The following IL17RA variants were observed in gnomAD, a reference collection of about 807,000 sequenced individuals.
IL17RA encodes interleukin 17 receptor A, also known as interleukin-17 receptor A.
IL17RA carries 34 observed loss-of-function variants against 50.4 expected under a neutral mutation model. The ratio of observed to expected loss-of-function variants is 0.67; its 90% CI spans 0.51 to 0.90. The LOEUF (loss-of-function observed/expected upper bound fraction) is 0.90. Among genes scored for constraint, IL17RA ranks in the 40% least tolerant of loss-of-function variants. The pLI is 0.00. For synonymous variants in IL17RA, 585 were observed against 510.4 expected (o/e 1.15, Z -1.97); for missense variants, 1,276 against 1,169.8 (o/e 1.09, Z -1.32).
intron 1 of IL17RA, among the ~76,000 whole-genome samples, chr22:17,094,718 T>TATATATATATATATATA (rs1228649948): frequency 6.0e-4 from 70 of 116,190 alleles, no homozygotes; most frequent in Middle Eastern, 4.4e-3. Context: ...TATATATATA[T>TATATATATATATATATA]TCAGGGAGAT....
chr22:17,109,084 C>G lies in IL17RA; in HGVS notation c.1865C>G (p.Pro622Arg). The G allele has an allele frequency of 6.4e-7, 1 of 1,571,246 alleles. No homozygotes were observed. The highest frequency in any genetic ancestry group is 8.6e-7 in the Non-Finnish European group (1 of 1,167,230). Reference sequence around the variant, plus strand: ...GGAACCGGCATCGTGAAGCGGGCGCCCCTGGTGCGCGAGCCTGGCTCCCAG... The same window carrying G: ...GGAACCGGCATCGTGAAGCGGGCGCGCCTGGTGCGCGAGCCTGGCTCCCAG... ...PPGTGIVKRAPLVREPGSQAC... is the reference protein window; with the variant it reads ...PPGTGIVKRARLVREPGSQAC... The change falls in exon 13 of 13, where the codon CCC becomes CGC. Residue 622 changes from proline to arginine, a missense_variant. Physicochemically the swap from Pro to Arg is moderately radical, Grantham distance 103 (BLOSUM62 -2). Transcript: ENST00000319363.
At position 17,107,739 on chromosome 22, in the gene IL17RA, A is replaced by G. The variant is rs2061420098; in HGVS notation, c.1058A>G (p.Glu353Gly). The G allele has an allele frequency of 1.2e-6, 2 of 1,613,734 alleles. No homozygotes were observed. Among genetic ancestry groups the G allele is most frequent in the Non-Finnish European group, 1.7e-6 (2 of 1,179,558 alleles). The change falls in exon 12 of 13, where the codon GAA becomes GGA. Residue 353 changes from glutamate to glycine, a missense_variant. Glu to Gly is a moderately conservative substitution (Grantham distance 98). Coordinates refer to ENST00000319363, the MANE Select transcript of IL17RA (RefSeq NM_014339.7). ...TTTTCCTTTCCAGGGCCTGGAAGTG[A>G]AAAATACAGTGATGACACCAAATAC... Reference protein sequence around the residue: ...MTWRLAGPGSEKYSDDTKYTD... With the variant: ...MTWRLAGPGSGKYSDDTKYTD...
intron 1 of IL17RA, among the ~76,000 whole-genome samples, chr22:17,090,838 T>G (rs926514216): frequency 1.3e-5 from 2 of 152,182 alleles, no homozygotes; most frequent in Non-Finnish European, 2.9e-5. Context: ...TCCCCTCCCC[T>G]CCTGCCCCAG....
At chr22:17,096,944 G>T in intron 1 of IL17RA, 118 bp from the exon 2 acceptor site, 1 of 894,146 alleles carries the variant, frequency 1.1e-6, no homozygotes, top group Non-Finnish European at 1.9e-6. Flanking sequence ...CCCAAAAAGT[G>T]AGAAGGGCAG....
At chr22:17,093,131 C>T (rs1454526615) in intron 1 of IL17RA, among the ~76,000 whole-genome samples, 1 of 152,022 alleles carries the variant, frequency 6.6e-6, no homozygotes, top group Non-Finnish European at 1.5e-5. Flanking sequence ...ATACAGAAAA[C>T]CTATCTCAAA....
intron 9 of IL17RA, among the ~76,000 whole-genome samples, 171 bp downstream of exon 9, chr22:17,104,981 C>G (rs1568921713): frequency 6.6e-6 from 1 of 152,136 alleles, no homozygotes; most frequent in Non-Finnish European, 1.5e-5. Flanking sequence ...GTGTCACTCC[C>G]TGGGGCTGGA....
Position 17,105,833 on chromosome 22 carries a change from C to T in IL17RA, c.944-20C>T, listed in dbSNP as rs774360152. 2.6e-6 allele frequency: 4 copies of T among 1,561,222 alleles called. No homozygotes were observed. The highest frequency in any genetic ancestry group is 2.2e-5 in the South Asian group (2 of 89,162). On this transcript the variant is annotated intron_variant, in intron 10 of 12. Transcript: ENST00000319363. Reference sequence around the variant, plus strand: ...AGGGCAGGCCCCGCCGCATCACTCACGCTGTTCTGCTCACCGCAGACTACA... The same window carrying T: ...AGGGCAGGCCCCGCCGCATCACTCATGCTGTTCTGCTCACCGCAGACTACA...
Position 17,097,936 on chromosome 22 carries a change from G to A in IL17RA, c.303G>A (p.Gln101=). Residue 101 remains glutamine, a synonymous_variant, in exon 3 of 13, where the codon CAG becomes CAA. Coordinates refer to ENST00000319363, the MANE Select transcript of IL17RA (RefSeq NM_014339.7). ...FPVAHIEWTL[Q]TDASILYLEG... Reference sequence around the variant, plus strand: ...TGGCTCACATCGAATGGACACTGCAGACAGACGGTGAGTGGGCATGCCAGC... The same window carrying A: ...TGGCTCACATCGAATGGACACTGCAAACAGACGGTGAGTGGGCATGCCAGC... The A allele has an allele frequency of 6.2e-7, 1 of 1,614,084 alleles. No individual in the cohort carries two copies. Among genetic ancestry groups the A allele is most frequent in the Non-Finnish European group, 8.5e-7 (1 of 1,180,044 alleles).
rs1208693308 is a variant in IL17RA, at chr22:17,105,858, A to G, written c.949A>G (p.Met317Val). 9.9e-6 allele frequency: 16 copies of G among 1,613,854 alleles called. No homozygotes were observed. Among genetic ancestry groups the G allele is most frequent in the African/African-American group, 9.3e-5 (7 of 75,030 alleles). ...CGCTGTTCTGCTCACCGCAGACTAC[A>G]TGCCCCTGTGGGTGTACTGGTTCAT... ...PDTPEPIPDYMPLWVYWFITG... is the reference protein window; with the variant it reads ...PDTPEPIPDYVPLWVYWFITG... The change falls in exon 11 of 13, where the codon ATG becomes GTG. Residue 317 changes from methionine (M) to valine (V), a missense_variant. Physicochemically the swap from Met to Val is conservative, Grantham distance 21. Transcript: ENST00000319363.
At chr22:17,104,585 C>T (rs1416093343) in intron 8 of IL17RA, 141 bp from the exon 9 acceptor site, 3 of 773,886 alleles carry the variant, frequency 3.9e-6, no homozygotes, top group Non-Finnish European at 6.7e-6. Flanking sequence ...GCTGACCCGC[C>T]CTTGCTGGAG....
rs984669952 is a variant in IL17RA, at chr22:17,110,700, G to T, written c.*880G>T. 3.3e-5 allele frequency: 5 copies of T among 152,188 alleles called. No individual in the cohort carries two copies. The highest frequency in any genetic ancestry group is 1.2e-4 in the African/African-American group (5 of 41,374). The allele number at this position is 152,188 out of a possible 1,614,324, so 9.4% of individuals were successfully genotyped here. On this transcript the variant is annotated 3_prime_UTR_variant, in exon 13 of 13. Coordinates refer to ENST00000319363, the MANE Select transcript of IL17RA (RefSeq NM_014339.7). ...TTTTTAGTCAGTCATGGTGGCACAT[G>T]CCTGTAGTCCCAGCTACTCGGGAGG...
At chr22:17,102,755 A>G (rs1228822551) in intron 7 of IL17RA, among the ~76,000 whole-genome samples, 1 of 152,178 alleles carries the variant, frequency 6.6e-6, no homozygotes, top group East Asian at 1.9e-4. Flanking sequence ...ACAGTAAGCC[A>G]TGATGGCACC....
intron 1 of IL17RA, among the ~76,000 whole-genome samples, chr22:17,086,547 C>A (rs945431035): frequency 1.3e-5 from 2 of 152,046 alleles, no homozygotes; most frequent in African/African-American, 4.8e-5. Flanking sequence ...CAGGTGCCTG[C>A]AGAGTACAGG....
chr22:17,108,058 G>T (rs2061421298), intron 12 of IL17RA, among the ~76,000 whole-genome samples: 1 of 152,206 alleles, frequency 6.6e-6, no homozygotes, highest in Non-Finnish European at 1.5e-5. Context: ...CTTAATTAAA[G>T]TATAGGCTAA....
chr22:17,106,947 C>T (rs115025340), intron 11 of IL17RA, among the ~76,000 whole-genome samples: 5 of 152,144 alleles, frequency 3.3e-5, no homozygotes, highest in African/African-American at 9.7e-5. Context: ...AGAGGAGCCT[C>T]GCTGTTATTT....
In IL17RA at chr22:17,115,607, GTGTT is replaced by G. The variant is rs1039677987; in HGVS notation, c.*5793_*5796del. 2.0e-5 allele frequency: 3 copies of G among 151,654 alleles called. No homozygotes were observed. The highest frequency in any genetic ancestry group is 2.1e-4 in the South Asian group (1 of 4,826). The allele number at this position is 151,654 out of a possible 1,614,324, so 9.4% of individuals were successfully genotyped here. ...GCTAAGAAAAAAAAAAAATCACTGT[GTGTT>G]TGTTTATTTTGGTGCAGGCCCAGTG... On this transcript the variant is annotated 3_prime_UTR_variant, in exon 13 of 13. Transcript: ENST00000319363.
intron 1 of IL17RA, among the ~76,000 whole-genome samples, chr22:17,089,865 A>T (rs557513055): frequency 1.3e-5 from 2 of 150,362 alleles, no homozygotes; most frequent in South Asian, 4.1e-4. Context: ...TGTCTCAAAA[A>T]ACAAACAAAC....
chr22:17,108,663 G>T lies in IL17RA; in HGVS notation c.1444G>T (p.Ala482Ser). The T allele has an allele frequency of 6.2e-7, 1 of 1,607,684 alleles. No individual in the cohort carries two copies. ...GCCCGTGGGGGACCTGTTCACTGCA[G>T]CCATGAACATGATCCTCCCGGACTT... is the stretch of plus-strand genomic sequence containing the variant. ...GKPVGDLFTA[A>S]MNMILPDFKR... is the part of the protein sequence containing the mutation. The change falls in exon 13 of 13, where the codon GCC (alanine) becomes TCC (serine). Residue 482 changes from alanine to serine, a missense_variant. Physicochemically the swap from Ala to Ser is moderately conservative, Grantham distance 99. Coordinates refer to ENST00000319363, the MANE Select transcript of IL17RA (RefSeq NM_014339.7).
intron 1 of IL17RA, 111 bp from the exon 2 acceptor site, chr22:17,096,951 G>T: frequency 1.1e-6 from 1 of 939,864 alleles, no homozygotes; most frequent in Middle Eastern, 2.1e-4. Flanking sequence ...AGTGAGAAGG[G>T]CAGGCTGTGT....
Sources: gnomAD v4.1 joint callset for allele counts (sites outside exome capture counted in the v4.1 genomes callset) on GRCh38, gnomAD v4.1.1 for gene constraint, MANE v1.5 for transcripts, NCBI Gene and HGNC (gene_info 2026-07-23, HGNC 2026-07-21) for gene names.